SNCAIP: variants seen among roughly 807,000 people sequenced by gnomAD.
SNCAIP encodes the protein synphilin-1.
A neutral mutation model predicts 86.7 loss-of-function variants in SNCAIP; 43 were observed. The ratio of observed to expected loss-of-function variants is 0.50; its 90% CI spans 0.39 to 0.64. The LOEUF is 0.64. Among genes scored for constraint, SNCAIP ranks in the 30% least tolerant of loss-of-function variants. SNCAIP has a pLI of 0.00. For synonymous variants in SNCAIP, 417 were observed against 427.2 expected (o/e 0.98, Z 0.29); for missense variants, 981 against 1,103.1 (o/e 0.89, Z 1.57).
intron 7 of SNCAIP, among the ~76,000 whole-genome samples, chr5:122,443,201 A>C (rs1781462349): frequency 6.6e-6 from 1 of 152,188 alleles, no homozygotes. Context: ...TCTCAGTCTA[A>C]GTAGTCTAAA....
chr5:122,415,006 T>G (rs887765000), intron 3 of SNCAIP, among the ~76,000 whole-genome samples: 2 of 152,222 alleles, frequency 1.3e-5, no homozygotes, highest in Admixed American at 6.5e-5. Context: ...GGAGGACATT[T>G]TAGGAAAATT....
chr5:122,409,147 CT>C (rs1262777215), intron 3 of SNCAIP, among the ~76,000 whole-genome samples: 1 of 152,140 alleles, frequency 6.6e-6, no homozygotes, highest in African/African-American at 2.4e-5. Context: ...GCATTCTCTG[CT>C]TAATATCTAC....
At chr5:122,443,946 A>G (rs1781703759) in intron 7 of SNCAIP, 1 of 394,390 alleles carries the variant, frequency 2.5e-6, no homozygotes, top group South Asian at 1.9e-5. Flanking sequence ...TCCTCATTAA[A>G]GAGGTGATAA....
intron 1 of SNCAIP, among the ~76,000 whole-genome samples, chr5:122,377,077 C>T (rs776335386): frequency 1.3e-5 from 2 of 152,150 alleles, no homozygotes; most frequent in Admixed American, 6.6e-5. Context: ...GACTGACATC[C>T]CTGATATGTC....
chr5:122,341,498 G>C (rs1757578353), intron 1 of SNCAIP, among the ~76,000 whole-genome samples: 1 of 152,132 alleles, frequency 6.6e-6, no homozygotes, highest in African/African-American at 2.4e-5. Context: ...CCTTTCATCT[G>C]TTTTAGCGTA....
intron 1 of SNCAIP, among the ~76,000 whole-genome samples, chr5:122,339,844 G>A (rs536257349): frequency 3.9e-5 from 6 of 152,268 alleles, no homozygotes; most frequent in African/African-American, 1.2e-4. Context: ...AATATTAAAC[G>A]ACTGAATACA....
At chr5:122,461,041 C>T (rs752516123) in intron 10 of SNCAIP, among the ~76,000 whole-genome samples, 2 of 152,182 alleles carry the variant, frequency 1.3e-5, no homozygotes, top group African/African-American at 2.4e-5. Context: ...TATATCTTCC[C>T]ACCCAAGGAA....
chr5:122,463,997 G>C lies in SNCAIP; in HGVS notation c.*501G>C, dbSNP rs2153046389. On this transcript the variant is annotated 3_prime_UTR_variant, in exon 11 of 11. Transcript: ENST00000261368. ...GTCAGTGGTATTGTTTCTGTCAAGAGTGTTTTTTCTGTCATTTCTACTTTT... is the reference window on the plus strand; with the variant it reads ...GTCAGTGGTATTGTTTCTGTCAAGACTGTTTTTTCTGTCATTTCTACTTTT... 1 of 153,116 alleles carries C rather than the reference G, an allele frequency of 6.5e-6. No individual in the cohort carries two copies. The highest frequency in any genetic ancestry group is 3.4e-3 in the Middle Eastern group (1 of 296). The allele number at this position is 153,116 out of a possible 1,614,324, so 9.5% of individuals were successfully genotyped here.
At chr5:122,366,591 A>G (rs1437566430) in intron 1 of SNCAIP, among the ~76,000 whole-genome samples, 1 of 152,176 alleles carries the variant, frequency 6.6e-6, no homozygotes, top group African/African-American at 2.4e-5. Context: ...GTCATAAGAG[A>G]AGGAGGACAT....
chr5:122,449,706 A>G, intron 8 of SNCAIP, 139 bp from the exon 9 acceptor site: 2 of 696,446 alleles, frequency 2.9e-6, no homozygotes, highest in Non-Finnish European at 5.2e-6. Flanking sequence ...CTGAACCTGT[A>G]AGGATGAATA....
chr5:122,417,448 G>A (rs941220678), intron 3 of SNCAIP, among the ~76,000 whole-genome samples: 1 of 152,194 alleles, frequency 6.6e-6, no homozygotes, highest in African/African-American at 2.4e-5. Flanking sequence ...TGAGGAAACT[G>A]AGGAATGTTT....
intron 7 of SNCAIP, among the ~76,000 whole-genome samples, chr5:122,442,300 A>T (rs1027841909): frequency 1.3e-5 from 2 of 152,074 alleles, no homozygotes; most frequent in African/African-American, 4.8e-5. Flanking sequence ...GGGAAATGAC[A>T]GGAGAATATA....
intron 1 of SNCAIP, among the ~76,000 whole-genome samples, chr5:122,313,929 TG>T (rs1276271189): frequency 6.6e-6 from 1 of 152,212 alleles, no homozygotes; most frequent in African/African-American, 2.4e-5. Context: ...CATGGGATTT[TG>T]AAAAGAAGGG....
chr5:122,407,227 G>T (rs921069589), intron 3 of SNCAIP, among the ~76,000 whole-genome samples: 9 of 152,148 alleles, frequency 5.9e-5, no homozygotes, highest in Non-Finnish European at 1.2e-4. Flanking sequence ...AGGGAGGGAG[G>T]TCTTAGGGCA....
At chr5:122,408,431 T>C (rs1773461351) in intron 3 of SNCAIP, among the ~76,000 whole-genome samples, 1 of 152,092 alleles carries the variant, frequency 6.6e-6, no homozygotes. Flanking sequence ...GCTCCAAGAA[T>C]GGAAAATGGC....
intron 1 of SNCAIP, among the ~76,000 whole-genome samples, chr5:122,366,333 T>C (rs1763188126): frequency 1.3e-5 from 2 of 152,172 alleles, no homozygotes; most frequent in Admixed American, 6.5e-5. Context: ...ACACTGCCTG[T>C]GGCAGGGTGA....
chr5:122,349,934 T>TCCCC, intron 1 of SNCAIP, among the ~76,000 whole-genome samples: 1 of 152,246 alleles, frequency 6.6e-6, no homozygotes, highest in Admixed American at 6.5e-5. Context: ...AGCCCTTTGC[T>TCCCC]CCCCCATCAG....
At chr5:122,333,910 A>G (rs1030223741) in intron 1 of SNCAIP, among the ~76,000 whole-genome samples, 2 of 152,210 alleles carry the variant, frequency 1.3e-5, no homozygotes, top group Non-Finnish European at 2.9e-5. Context: ...CAGATAGACG[A>G]CAATAAGAAG....
chr5:122,388,497 A>T (rs1347765066), intron 1 of SNCAIP: 1 of 152,258 alleles, frequency 6.6e-6, no homozygotes, highest in Non-Finnish European at 1.5e-5. Context: ...TGTCCTTATC[A>T]TGTTTGATCA....
Sources: allele counts gnomAD v4.1 joint callset (sites outside exome capture counted in the v4.1 genomes callset), GRCh38; gene constraint gnomAD v4.1.1; transcripts MANE v1.5; gene names NCBI Gene and HGNC (gene_info 2026-07-23, HGNC 2026-07-21).